The following CLASP1 variants were observed in gnomAD, a reference collection of about 807,000 sequenced individuals.
CLASP1 encodes the protein CLIP-associating protein 1.
A neutral mutation model predicts 192.3 loss-of-function variants in CLASP1; 38 were observed. That is an observed-to-expected ratio of 0.20 (90% CI 0.15 to 0.26). CLASP1 has a LOEUF of 0.26. Among genes scored for constraint, CLASP1 ranks in the 10% least tolerant of loss-of-function variants. The pLI is 1.00. For synonymous variants in CLASP1, 691 were observed against 712.8 expected, an observed-to-expected ratio of 0.97 and a Z score of 0.49; for missense variants, 1,433 against 1,932.5, an observed-to-expected ratio of 0.74 and a Z score of 4.85.
At chr2:121,541,287 A>G (rs2105002114) in intron 2 of CLASP1, among the ~76,000 whole-genome samples, 1 of 152,366 alleles carries the variant, frequency 6.6e-6, no homozygotes, top group East Asian at 1.9e-4. Context: ...GGATTGTCTA[A>G]GGTAAAAACA....
intron 30 of CLASP1, 76 bp from the exon 32 acceptor site, chr2:121,387,982 A>T: frequency 8.6e-7 from 1 of 1,156,170 alleles, no homozygotes; most frequent in South Asian, 1.6e-5. Context: ...TGTTTAAAAA[A>T]ATATTTTATA....
chr2:121,550,421 AT>A (rs1452205428), intron 2 of CLASP1, among the ~76,000 whole-genome samples: 1 of 152,146 alleles, frequency 6.6e-6, no homozygotes, highest in African/African-American at 2.4e-5. Context: ...AAATCGAGAC[AT>A]GAAAAACAAT....
Position 121,347,018 on chromosome 2 carries a change from C to T in CLASP1, c.4530+20G>A. On this transcript the variant is annotated intron_variant, in intron 39 of 39. Transcript: ENST00000263710. The stretch of plus-strand genomic sequence containing the variant: ...GCAGAGCCCAGGTGTGCGTATCAGC[C>T]CAGGTAACACTATACATACCTTGCT... 1 of 1,459,646 alleles carries T rather than the reference C, an allele frequency of 6.9e-7. No individual in the cohort carries two copies. 90.4% of individuals were successfully genotyped at this position (1,459,646 alleles called of 1,614,324 possible).
intron 8 of CLASP1, among the ~76,000 whole-genome samples, chr2:121,483,556 A>G (rs10204879): frequency 6.1e-4 from 89 of 145,294 alleles, no homozygotes; most frequent in African/African-American, 1.8e-3. Flanking sequence ...ATGTGTGTGT[A>G]TATATATGTA....
intron 1 of CLASP1, among the ~76,000 whole-genome samples, chr2:121,626,998 C>T (rs1442344158): frequency 6.6e-6 from 1 of 151,950 alleles, no homozygotes. Flanking sequence ...GAGAAAGAAC[C>T]ATCACATGCA....
intron 8 of CLASP1, among the ~76,000 whole-genome samples, chr2:121,488,593 T>C (rs1402657989): frequency 1.3e-5 from 2 of 152,138 alleles, no homozygotes; most frequent in African/African-American, 4.8e-5. Flanking sequence ...AACCCAATTA[T>C]AGAAAACCCA....
exon 40 of CLASP1, chr2:121,339,760 T>G (rs1181249224): frequency 6.6e-6 from 1 of 152,236 alleles, no homozygotes; most frequent in East Asian, 1.9e-4. Context: ...TTCAAGGAAC[T>G]ACTTCAGTTT....
At chr2:121,535,047 G>T (rs770015981) in intron 2 of CLASP1, among the ~76,000 whole-genome samples, 2 of 152,184 alleles carry the variant, frequency 1.3e-5, no homozygotes, top group Non-Finnish European at 2.9e-5. Context: ...GCAGGCAGAG[G>T]CAGGCGGATT....
At chr2:121,387,296 G>A in intron 31 of CLASP1, 68 bp from the exon 33 acceptor site, 1 of 1,120,640 alleles carries the variant, frequency 8.9e-7, no homozygotes, top group Non-Finnish European at 1.2e-6. Context: ...TTCTTTCCTT[G>A]GTCTTTTAAC....
At chr2:121,388,469 C>CG (rs2073747459) in intron 30 of CLASP1, among the ~76,000 whole-genome samples, 2 of 152,166 alleles carry the variant, frequency 1.3e-5, no homozygotes. Flanking sequence ...AAGGAGTCTA[C>CG]GTTAAAAACA....
At chr2:121,385,701 T>C (rs184412667) in intron 32 of CLASP1, among the ~76,000 whole-genome samples, 20 of 152,364 alleles carry the variant, frequency 1.3e-4, no homozygotes, top group South Asian at 1.2e-3. Flanking sequence ...AACTGTATAT[T>C]ATGGAAGAAA....
Position 121,392,494 on chromosome 2 carries a change from C to A in CLASP1, c.3124-4588G>T, listed in dbSNP as rs568671614. Among the ~76,000 whole-genome samples the A allele has an allele frequency of 3.3e-5, 5 of 152,314 alleles. No homozygotes were observed. The South Asian group carries it at 1.0e-3, about 32-fold the overall frequency. On this transcript the variant is annotated intron_variant, in intron 30 of 39. Coordinates refer to ENST00000263710, the Ensembl canonical transcript of CLASP1. ...GTGTTATTTATGTATAGAGATAGGA[C>A]TCTTCCTGTGGCTGCAAGCAATCCT...
chr2:121,492,867 C>G (rs1165832285), intron 8 of CLASP1, among the ~76,000 whole-genome samples: 1 of 152,072 alleles, frequency 6.6e-6, no homozygotes, highest in Non-Finnish European at 1.5e-5. Context: ...TGTTTAAAAG[C>G]TTGTATACAA....
At chr2:121,463,718 G>T (rs2088675467) in intron 9 of CLASP1, among the ~76,000 whole-genome samples, 1 of 152,124 alleles carries the variant, frequency 6.6e-6, no homozygotes. Flanking sequence ...ATGCAAAAAG[G>T]ATAAGTGCAG....
At chr2:121,646,347 A>G (rs926094047) in intron 1 of CLASP1, among the ~76,000 whole-genome samples, 1 of 151,988 alleles carries the variant, frequency 6.6e-6, no homozygotes, top group Admixed American at 6.6e-5. Context: ...ACTCCATGCA[A>G]CCCGCCCACC....
At chr2:121,392,253 T>C (rs980423436) in intron 30 of CLASP1, among the ~76,000 whole-genome samples, 1 of 152,198 alleles carries the variant, frequency 6.6e-6, no homozygotes, top group African/African-American at 2.4e-5. Context: ...AACATATAAT[T>C]AAAATTCTAC....
intron 2 of CLASP1, among the ~76,000 whole-genome samples, chr2:121,574,777 A>C (rs942481691): frequency 1.3e-5 from 2 of 152,134 alleles, no homozygotes; most frequent in African/African-American, 4.8e-5. Context: ...TCTCTACTAG[A>C]AATACAAAAA....
intron 1 of CLASP1, among the ~76,000 whole-genome samples, chr2:121,640,338 G>A (rs2071813384): frequency 6.6e-6 from 1 of 152,156 alleles, no homozygotes; most frequent in Admixed American, 6.5e-5. Context: ...CCTGCACGTT[G>A]TGCACATGTA....
At chr2:121,504,282 G>A (rs1378859468) in intron 7 of CLASP1, among the ~76,000 whole-genome samples, 1 of 152,036 alleles carries the variant, frequency 6.6e-6, no homozygotes, top group East Asian at 1.9e-4. Flanking sequence ...GTATACTGGA[G>A]TAAGTGTTGA....
Sources: gnomAD v4.1 joint callset for allele counts (sites outside exome capture counted in the v4.1 genomes callset) on GRCh38, gnomAD v4.1.1 for gene constraint, MANE v1.5 for transcripts, NCBI Gene and HGNC (gene_info 2026-07-23, HGNC 2026-07-21) for gene names.